The following NME7 variants were observed in gnomAD, a reference collection of about 807,000 sequenced individuals.
The protein encoded by NME7 is NME/NM23 family member 7.
In NME7, 41 loss-of-function variants were observed where a neutral mutation model predicts 49.1. That is an observed-to-expected ratio of 0.83 (90% CI 0.65 to 1.08). NME7 has a LOEUF of 1.08. NME7 is among the 50% of genes least tolerant of loss of function. The pLI, the probability that NME7 is intolerant of heterozygous loss-of-function variation, is 0.00. For missense variants in NME7, 423 were observed against 463.4 expected (o/e 0.91, Z 0.80); for synonymous variants, 139 against 150.6 (o/e 0.92, Z 0.56).
rs1306833265 is a variant in NME7 at position 169,169,543 on chromosome 1, C to T, written c.1002G>A (p.Arg334=). The change falls in exon 11 of 12, where the codon CGG becomes CGA. Residue 334 remains arginine, a synonymous_variant. Transcript: ENST00000367811. ...FCGPADPEIA[R]HLRPGTLRAI... is the part of the protein sequence containing the mutation. The stretch of plus-strand genomic sequence containing the variant: ...CTCTGAGAGTTCCAGGGCGTAAATG[C>T]CGGGCAATTTCCTATTAAACATACA... 1.2e-6 allele frequency: 2 copies of T among 1,613,640 alleles called. No individual in the cohort carries two copies. The highest frequency in any genetic ancestry group is 8.5e-7 in the Non-Finnish European group (1 of 1,179,794).
intron 11 of NME7, among the ~76,000 whole-genome samples, chr1:169,156,435 T>C (rs1659076627): frequency 6.6e-6 from 1 of 152,206 alleles, no homozygotes; most frequent in Non-Finnish European, 1.5e-5. Flanking sequence ...GATTCTTAAA[T>C]GCCCCCTGTA....
intron 3 of NME7, among the ~76,000 whole-genome samples, chr1:169,321,547 A>T (rs1474849087): frequency 1.3e-5 from 2 of 152,154 alleles, no homozygotes; most frequent in African/African-American, 4.8e-5. Context: ...ATCTCATAAC[A>T]TTAAAAGATT....
Position 169,254,946 on chromosome 1 carries a change from T to C in NME7, c.755-17259A>G, listed in dbSNP as rs541192160. On this transcript the variant is annotated intron_variant, in intron 7 of 11. Transcript: ENST00000367811. The stretch of plus-strand genomic sequence containing the variant: ...GTGAGAGATAGTTTGTTATAATTTC[T>C]GTTCTTTTACATTTGCTGAGGAGAG... Among the ~76,000 whole-genome samples the C allele has an allele frequency of 8.5e-3, 1,126 of 133,156 alleles. 138 individuals are homozygous for C. Among genetic ancestry groups the C allele is most frequent in the African/African-American group, 0.027 (1,056 of 39,114 alleles). 87.4% of individuals were successfully genotyped at this position (133,156 alleles called of 152,430 possible). A position where few individuals can be genotyped will look rare whatever the true frequency, so the allele number is the denominator to read the frequency against.
chr1:169,202,488 C>A (rs1330567028), intron 10 of NME7, among the ~76,000 whole-genome samples: 1 of 152,104 alleles, frequency 6.6e-6, no homozygotes, highest in Non-Finnish European at 1.5e-5. Flanking sequence ...TATAAATTAC[C>A]CAGTCTCACG....
At chr1:169,244,551 G>A (rs1384823507) in intron 7 of NME7, among the ~76,000 whole-genome samples, 1 of 150,624 alleles carries the variant, frequency 6.6e-6, no homozygotes, top group Admixed American at 6.6e-5. Flanking sequence ...AAGGAGGATG[G>A]CGTGAACCTG....
intron 7 of NME7, among the ~76,000 whole-genome samples, chr1:169,247,226 A>G (rs1319936163): frequency 6.6e-6 from 1 of 152,238 alleles, no homozygotes; most frequent in African/African-American, 2.4e-5. Context: ...TTGGGTAAAT[A>G]GGTCATATGA....
At chr1:169,178,820 C>CTTTT (rs57619644) in intron 10 of NME7, among the ~76,000 whole-genome samples, 39,664 of 123,808 alleles carry the variant, frequency 0.32, 6,949 homozygotes, top group East Asian at 0.69. Context: ...GAAACCTCTT[C>CTTTT]TTTTTTTTTT....
chr1:169,144,767 C>A, intron 11 of NME7, among the ~76,000 whole-genome samples: 1 of 152,100 alleles, frequency 6.6e-6, no homozygotes, highest in East Asian at 1.9e-4. Flanking sequence ...GTGGCGTGCA[C>A]CTGCCATCCC....
chr1:169,352,435 T>A (rs1653212418), intron 1 of NME7, among the ~76,000 whole-genome samples: 1 of 151,962 alleles, frequency 6.6e-6, no homozygotes, highest in Non-Finnish European at 1.5e-5. Flanking sequence ...TACTTCAACA[T>A]AATAAAAGCC....
At chr1:169,279,316 C>T (rs1227752505) in intron 7 of NME7, among the ~76,000 whole-genome samples, 2 of 152,234 alleles carry the variant, frequency 1.3e-5, no homozygotes, top group African/African-American at 2.4e-5. Flanking sequence ...GCAGGCAGGC[C>T]TCCTTGAGCT....
chr1:169,215,761 G>T (rs1314771002), intron 10 of NME7, among the ~76,000 whole-genome samples: 2 of 152,142 alleles, frequency 1.3e-5, no homozygotes, highest in South Asian at 2.1e-4. Context: ...ATATACAAGA[G>T]AATATTATTA....
intron 4 of NME7, among the ~76,000 whole-genome samples, chr1:169,308,937 T>A (rs1651283469): frequency 1.3e-5 from 2 of 152,152 alleles, no homozygotes; most frequent in Admixed American, 1.3e-4. Context: ...AATGTAAACA[T>A]TTCCAAATGC....
intron 3 of NME7, among the ~76,000 whole-genome samples, chr1:169,319,441 CA>C (rs1651772994): frequency 6.6e-6 from 1 of 152,088 alleles, no homozygotes; most frequent in South Asian, 2.1e-4. Flanking sequence ...TTTAAAAATT[CA>C]AAAGGTGATT....
intron 6 of NME7, among the ~76,000 whole-genome samples, chr1:169,291,220 T>C (rs768692185): frequency 3.3e-5 from 5 of 152,194 alleles, no homozygotes; most frequent in East Asian, 1.9e-4. Context: ...CGTATGTTTA[T>C]TGCAGCACTA....
intron 11 of NME7, chr1:169,168,790 T>C: frequency 1.1e-5 from 5 of 446,180 alleles, no homozygotes; most frequent in South Asian, 8.0e-5. Context: ...TATCTATATA[T>C]ATGTTATGCA....
chr1:169,358,121 A>G (rs184900919), intron 1 of NME7, among the ~76,000 whole-genome samples: 1 of 152,218 alleles, frequency 6.6e-6, no homozygotes, highest in East Asian at 1.9e-4. Context: ...ACAAAATTGC[A>G]TAACACCATT....
At chr1:169,293,038 G>A (rs936108953) in intron 6 of NME7, among the ~76,000 whole-genome samples, 3 of 152,086 alleles carry the variant, frequency 2.0e-5, no homozygotes, top group African/African-American at 7.2e-5. Flanking sequence ...GCTTATGCCT[G>A]TAATCCCAGC....
Position 169,167,349 on chromosome 1 carries a change from A to AT in NME7, c.1098+2097dup, listed in dbSNP as rs572466764. On this transcript the variant is annotated intron_variant, in intron 11 of 11. Transcript: ENST00000367811. ...TTCTATGTACAACTTCCAGGACATA[A>AT]TTTTTTTTTAAAAGACTAATAGATT... 5.3e-5 allele frequency among the ~76,000 whole-genome samples: 8 copies of AT among 151,714 alleles called. No individual in the cohort carries two copies. The South Asian group carries it at 6.3e-4, about 12-fold the overall frequency.
chr1:169,217,723 T>C (rs1032831476), intron 10 of NME7, among the ~76,000 whole-genome samples: 13 of 152,184 alleles, frequency 8.5e-5, no homozygotes, highest in Admixed American at 8.5e-4. Flanking sequence ...ATTTACCCCA[T>C]TGCCTTCTCC....
Sources: allele counts gnomAD v4.1 joint callset (sites outside exome capture counted in the v4.1 genomes callset), GRCh38; gene constraint gnomAD v4.1.1; transcripts MANE v1.5; gene names NCBI Gene and HGNC (gene_info 2026-07-23, HGNC 2026-07-21).